DAOA: variants seen among roughly 807,000 people sequenced by gnomAD.
DAOA encodes the protein D-amino acid oxidase regulator.
In DAOA, 15 loss-of-function variants were observed where a neutral mutation model predicts 16.4. The ratio of observed to expected loss-of-function variants is 0.91; its 90% CI spans 0.61 to 1.41. The LOEUF is 1.41. Ranked by LOEUF, DAOA falls within the 40% of genes most tolerant of loss-of-function variation. The pLI is 0.00. For missense variants in DAOA, 230 were observed against 176.8 expected (o/e 1.30, Z -1.71); for synonymous variants, 75 against 59.1 (o/e 1.27, Z -1.23).
chr13:105,467,912 G>T (rs1876648327), intron 3 of DAOA, among the ~76,000 whole-genome samples: 1 of 152,108 alleles, frequency 6.6e-6, no homozygotes, highest in Non-Finnish European at 1.5e-5. Context: ...TTATTTCATA[G>T]TTCTCATCAG....
chr13:105,485,659 G>A (rs1470922136), intron 4 of DAOA, among the ~76,000 whole-genome samples: 2 of 152,164 alleles, frequency 1.3e-5, no homozygotes, highest in African/African-American at 4.8e-5. Context: ...GAGGTCATTA[G>A]AGTGGCTCTA....
intron 3 of DAOA, among the ~76,000 whole-genome samples, chr13:105,471,536 A>T (rs1876957268): frequency 6.6e-6 from 1 of 152,186 alleles, no homozygotes; most frequent in Non-Finnish European, 1.5e-5. Flanking sequence ...TGAAAATAAG[A>T]AAGGGAGTGC....
chr13:105,478,967 A>T (rs773749978), intron 4 of DAOA, among the ~76,000 whole-genome samples: 5 of 152,188 alleles, frequency 3.3e-5, no homozygotes, highest in Non-Finnish European at 7.3e-5. Flanking sequence ...TGATTATCTC[A>T]TCAATTCATT....
chr13:105,490,389 A>G (rs973010278), intron 5 of DAOA, 197 bp downstream of exon 5: 2 of 171,524 alleles, frequency 1.2e-5, no homozygotes, highest in African/African-American at 2.4e-5. Context: ...GTGAGCTGTC[A>G]TAATCAGTAA....
At chr13:105,481,349 A>G (rs957981839) in intron 4 of DAOA, among the ~76,000 whole-genome samples, 1 of 152,094 alleles carries the variant, frequency 6.6e-6, no homozygotes, top group African/African-American at 2.4e-5. Flanking sequence ...TGGTTCTGTC[A>G]TTGTTCACAG....
At chr13:105,474,808 A>T (rs957387021) in intron 4 of DAOA, among the ~76,000 whole-genome samples, 1 of 152,156 alleles carries the variant, frequency 6.6e-6, no homozygotes, top group Non-Finnish European at 1.5e-5. Flanking sequence ...AATAAAGAAT[A>T]GTTGAAGGAG....
At chr13:105,478,053 T>C (rs1168163697) in intron 4 of DAOA, among the ~76,000 whole-genome samples, 2 of 152,236 alleles carry the variant, frequency 1.3e-5, no homozygotes, top group Non-Finnish European at 2.9e-5. Flanking sequence ...GTTAATACTA[T>C]GAAATATATT....
intron 4 of DAOA, among the ~76,000 whole-genome samples, chr13:105,489,201 T>TTTGTACTTACA (rs765383219): frequency 6.6e-6 from 1 of 152,178 alleles, no homozygotes; most frequent in African/African-American, 2.4e-5. Context: ...GAGAGTAACA[T>TTTGTACTTACA]TTGCATGTAA....
At chr13:105,478,822 T>C (rs1345155058) in intron 4 of DAOA, among the ~76,000 whole-genome samples, 1 of 152,220 alleles carries the variant, frequency 6.6e-6, no homozygotes, top group Non-Finnish European at 1.5e-5. Context: ...TATTTCATTA[T>C]GCCAAACACC....
chr13:105,478,457 G>C (rs966585557), intron 4 of DAOA, among the ~76,000 whole-genome samples: 1 of 152,160 alleles, frequency 6.6e-6, no homozygotes, highest in African/African-American at 2.4e-5. Flanking sequence ...GACAATAGCA[G>C]CTTTTCTTAG....
At chr13:105,468,923 TCTTGTTAGCTGTAAATAGAC>T (rs925719083) in intron 3 of DAOA, among the ~76,000 whole-genome samples, 7 of 152,218 alleles carry the variant, frequency 4.6e-5, no homozygotes, top group African/African-American at 1.7e-4. Flanking sequence ...TGCGTGCTAG[TCTTGTTAGCTGTAAATAGAC>T]ATGAACATGA....
intron 4 of DAOA, among the ~76,000 whole-genome samples, chr13:105,477,476 C>T (rs915494072): frequency 1.3e-5 from 2 of 152,166 alleles, no homozygotes; most frequent in African/African-American, 4.8e-5. Flanking sequence ...TGCTTGTAAT[C>T]CCATACTTTG....
At chr13:105,473,859 C>A (rs12862108) in intron 4 of DAOA, among the ~76,000 whole-genome samples, 41,821 of 151,958 alleles carry the variant, frequency 0.28, 5,877 homozygotes, top group Non-Finnish European at 0.29. Context: ...TTTTGTACTA[C>A]AGGAAAGCTA....
intron 4 of DAOA, among the ~76,000 whole-genome samples, chr13:105,484,985 C>T (rs974913046): frequency 2.0e-5 from 3 of 152,104 alleles, no homozygotes; most frequent in Admixed American, 6.6e-5. Flanking sequence ...TTTCAAATGT[C>T]CTGTCTGTTT....
intron 3 of DAOA, among the ~76,000 whole-genome samples, chr13:105,471,615 G>A (rs1594106066): frequency 6.6e-6 from 1 of 152,172 alleles, no homozygotes; most frequent in East Asian, 1.9e-4. Flanking sequence ...TCATACAGAT[G>A]TATCATGAAC....
At chr13:105,487,487 G>C (rs1878207920) in intron 4 of DAOA, among the ~76,000 whole-genome samples, 1 of 151,390 alleles carries the variant, frequency 6.6e-6, no homozygotes, top group African/African-American at 2.4e-5. Flanking sequence ...TTACATTTTA[G>C]AAATCATTTC....
Position 105,479,400 on chromosome 13 carries a change from C to G in DAOA, c.281+6715C>G, listed in dbSNP as rs370290469. Among the ~76,000 whole-genome samples the G allele has an allele frequency of 2.0e-5, 3 of 152,166 alleles. No individual in the cohort carries two copies. In the East Asian group the frequency reaches 5.8e-4, roughly 29 times the overall value. ...TTAGGGCTGACATAATACACTATTG[C>G]AAACTGAGTGGCTTAAAACAGTTTT... On this transcript the variant is annotated intron_variant, in intron 4 of 5. Coordinates refer to ENST00000375936, the MANE Select transcript of DAOA (RefSeq NM_172370.5).
chr13:105,473,314 A>C (rs1321462301), intron 4 of DAOA, among the ~76,000 whole-genome samples: 1 of 152,052 alleles, frequency 6.6e-6, no homozygotes. Context: ...GCCTCTTATG[A>C]TAATTATTTA....
chr13:105,490,069 C>G lies in DAOA; in HGVS notation c.450C>G (p.Thr150=). The change falls in exon 5 of 6, where the codon ACC becomes ACG. Residue 150 remains threonine, a synonymous_variant. Coordinates refer to ENST00000375936, the MANE Select transcript of DAOA (RefSeq NM_172370.5). ...GCAACCACAAGGAAATAACTTCTAC[C>G]AAAGCTGAATGAGTTTGGAAGCAGA... The part of the protein sequence containing the change: ...QSCNHKEITS[T]KAE The G allele has an allele frequency of 6.4e-7, 1 of 1,560,692 alleles. No individual in the cohort carries two copies. The highest frequency in any genetic ancestry group is 8.7e-7 in the Non-Finnish European group (1 of 1,151,446).
Sources: gnomAD v4.1 joint callset for allele counts (sites outside exome capture counted in the v4.1 genomes callset) on GRCh38, gnomAD v4.1.1 for gene constraint, MANE v1.5 for transcripts, NCBI Gene and HGNC (gene_info 2026-07-23, HGNC 2026-07-21) for gene names.